FBXO36: variants seen among roughly 807,000 people sequenced by gnomAD.
FBXO36 encodes the protein F-box protein 36, also known as F-box only protein 36.
A neutral mutation model predicts 17.0 loss-of-function variants in FBXO36; 18 were observed. That is an observed-to-expected ratio of 1.06 (90% CI 0.73 to 1.57). The LOEUF (loss-of-function observed/expected upper bound fraction) is 1.57. Among genes scored for constraint, FBXO36 ranks in the 40% most tolerant of loss-of-function variants. The pLI is 0.00. For missense variants in FBXO36, 229 were observed against 221.9 expected (o/e 1.03, Z -0.20); for synonymous variants, 83 against 85.3 (o/e 0.97, Z 0.15).
intron 1 of FBXO36, among the ~76,000 whole-genome samples, chr2:229,944,929 T>C (rs956216396): frequency 6.6e-6 from 1 of 152,062 alleles, no homozygotes; most frequent in Non-Finnish European, 1.5e-5. Flanking sequence ...AATAAATAAT[T>C]TAGTTAGGTT....
At chr2:229,973,803 T>A (rs762444611) in intron 1 of FBXO36, among the ~76,000 whole-genome samples, 1 of 151,892 alleles carries the variant, frequency 6.6e-6, no homozygotes, top group Non-Finnish European at 1.5e-5. Flanking sequence ...TCCCAGCACA[T>A]TGGGAGGCTG....
chr2:229,997,110 A>G (rs1389622036), intron 3 of FBXO36, among the ~76,000 whole-genome samples, 187 bp downstream of exon 3: 1 of 152,112 alleles, frequency 6.6e-6, no homozygotes, highest in Non-Finnish European at 1.5e-5. Flanking sequence ...AGATTCATGT[A>G]AATGCAAATA....
At chr2:229,929,760 G>A (rs983774975) in intron 1 of FBXO36, among the ~76,000 whole-genome samples, 2 of 152,130 alleles carry the variant, frequency 1.3e-5, no homozygotes, top group Non-Finnish European at 2.9e-5. Context: ...TCGGGAGGCT[G>A]AGGCAGGAGA....
chr2:229,967,129 C>G (rs1485764874), intron 1 of FBXO36, among the ~76,000 whole-genome samples: 1 of 152,154 alleles, frequency 6.6e-6, no homozygotes, highest in Admixed American at 6.6e-5. Context: ...ATTTTATTCT[C>G]TTTGAAGCAA....
chr2:229,962,570 G>C (rs2077129080), intron 1 of FBXO36, among the ~76,000 whole-genome samples: 1 of 146,826 alleles, frequency 6.8e-6, no homozygotes, highest in Non-Finnish European at 1.5e-5. Context: ...GAGTTGCACT[G>C]TGTTATCCAT....
chr2:229,933,309 A>G (rs546693700), intron 1 of FBXO36, among the ~76,000 whole-genome samples: 1 of 151,998 alleles, frequency 6.6e-6, no homozygotes, highest in Admixed American at 6.6e-5. Flanking sequence ...AATCACTCGA[A>G]CCCAGGTGGT....
rs531012936 is a variant in FBXO36, at chr2:229,970,775, C to T, written c.97-5466C>T. 1.6e-4 allele frequency among the ~76,000 whole-genome samples: 24 copies of T among 152,154 alleles called. 1 individual carries two copies. The Middle Eastern group carries it at 0.01, about 65-fold the overall frequency. On this transcript the variant is annotated intron_variant, in intron 1 of 3. Transcript: ENST00000283946. ...TATTTTCCTTTTTTAGATATATTCA[C>T]GGGTAACATAGATTTGTCATATTAA...
chr2:229,954,790 G>T (rs1441114028), intron 1 of FBXO36, among the ~76,000 whole-genome samples: 2 of 150,220 alleles, frequency 1.3e-5, no homozygotes, highest in Non-Finnish European at 3.0e-5. Context: ...CTCGTGATCC[G>T]CCTGCCTCGG....
chr2:229,999,880 A>T (rs570967690), intron 3 of FBXO36, among the ~76,000 whole-genome samples: 1 of 152,094 alleles, frequency 6.6e-6, no homozygotes, highest in South Asian at 2.1e-4. Context: ...CCTCAAGTAG[A>T]CACCAGTATC....
At chr2:229,941,600 C>CGA (rs1176267428) in intron 1 of FBXO36, among the ~76,000 whole-genome samples, 1 of 136,130 alleles carries the variant, frequency 7.3e-6, no homozygotes, top group African/African-American at 2.8e-5. Context: ...CCAGGAGAGG[C>CGA]GAAAAAAAAA....
At chr2:229,969,505 G>A (rs1458648048) in intron 1 of FBXO36, among the ~76,000 whole-genome samples, 2 of 152,152 alleles carry the variant, frequency 1.3e-5, no homozygotes, top group African/African-American at 2.4e-5. Flanking sequence ...TGGCTAACGC[G>A]GTGAAACCCT....
chr2:229,980,714 T>G (rs1189390469), intron 2 of FBXO36, among the ~76,000 whole-genome samples: 1 of 151,968 alleles, frequency 6.6e-6, no homozygotes, highest in Non-Finnish European at 1.5e-5. Context: ...TAGCGAAGAT[T>G]TTATGAGTCT....
At chr2:229,991,722 A>G (rs1375180198) in intron 2 of FBXO36, among the ~76,000 whole-genome samples, 1 of 152,236 alleles carries the variant, frequency 6.6e-6, no homozygotes, top group Non-Finnish European at 1.5e-5. Context: ...ACTGCATTAG[A>G]GAAAACCACA....
At chr2:229,941,283 G>A (rs539131772) in intron 1 of FBXO36, among the ~76,000 whole-genome samples, 5 of 151,906 alleles carry the variant, frequency 3.3e-5, no homozygotes, top group African/African-American at 9.7e-5. Context: ...GTGAAACCCC[G>A]TGTCTACTAA....
intron 3 of FBXO36, among the ~76,000 whole-genome samples, chr2:230,004,351 G>T (rs1190595374): frequency 6.6e-6 from 1 of 152,098 alleles, no homozygotes. Context: ...CCCAGAAAAC[G>T]GTGGTTGAAT....
intron 1 of FBXO36, among the ~76,000 whole-genome samples, chr2:229,949,664 A>G (rs776449744): frequency 2.0e-5 from 3 of 152,058 alleles, no homozygotes; most frequent in Admixed American, 1.3e-4. Flanking sequence ...GGTGGCTCAC[A>G]CCTGTAATCC....
intron 1 of FBXO36, among the ~76,000 whole-genome samples, chr2:229,963,374 T>A (rs983162278): frequency 6.7e-6 from 1 of 150,190 alleles, no homozygotes; most frequent in African/African-American, 2.4e-5. Flanking sequence ...CCCCAGGTTG[T>A]TTTTTTTAGC....
At chr2:229,961,601 C>T (rs1438808459) in intron 1 of FBXO36, among the ~76,000 whole-genome samples, 1 of 152,120 alleles carries the variant, frequency 6.6e-6, no homozygotes, top group African/African-American at 2.4e-5. Context: ...GTCTCGATCT[C>T]CTGACCTTGT....
intron 1 of FBXO36, among the ~76,000 whole-genome samples, chr2:229,930,905 C>G (rs534491468): frequency 1.0e-3 from 159 of 152,238 alleles, no homozygotes; most frequent in African/African-American, 3.4e-3. Context: ...GCAGCAAGTG[C>G]GCAAACATTC....
Sources: gnomAD v4.1 joint callset for allele counts (sites outside exome capture counted in the v4.1 genomes callset) on GRCh38, gnomAD v4.1.1 for gene constraint, MANE v1.5 for transcripts, NCBI Gene and HGNC (gene_info 2026-07-23, HGNC 2026-07-21) for gene names.